RPS28: variants seen among roughly 807,000 people sequenced by gnomAD.
RPS28 encodes the protein small ribosomal subunit protein eS28.
A neutral mutation model predicts 9.4 loss-of-function variants in RPS28; 2 were observed. That is an observed-to-expected ratio of 0.21 (90% confidence interval 0.09 to 0.67). The LOEUF is 0.67. Among genes scored for constraint, RPS28 ranks in the 30% least tolerant of loss-of-function variants. The pLI, the probability that RPS28 is intolerant of heterozygous loss-of-function variation, is 0.82. For synonymous variants in RPS28, 41 were observed against 37.8 expected, an observed-to-expected ratio of 1.08 and a Z score of -0.31; for missense variants, 35 against 95.3, an observed-to-expected ratio of 0.37 and a Z score of 2.63.
In RPS28 at chr19:8,322,894, G is replaced by A. The variant is rs1183543737; in HGVS notation, c.*639G>A. On this transcript the variant is annotated 3_prime_UTR_variant, in exon 4 of 4. Coordinates refer to ENST00000600659, the MANE Select transcript of RPS28 (RefSeq NM_001031.5). Reference sequence around the variant, plus strand: ...ACCGCATTCTCCTTCACCAGGTGTGGCTGTCTGGGAGCCAGGGGGTGACTC... The same window carrying A: ...ACCGCATTCTCCTTCACCAGGTGTGACTGTCTGGGAGCCAGGGGGTGACTC... 6 of 1,561,208 alleles carry A rather than the reference G, an allele frequency of 3.8e-6. No individual in the cohort carries two copies. The highest frequency in any genetic ancestry group is 1.7e-4 in the Middle Eastern group (1 of 5,824).
At chr19:8,322,248 T>C in intron 3 of RPS28, 24 bp from the exon 4 acceptor site, 1 of 832,206 alleles carries the variant, frequency 1.2e-6, no homozygotes. Flanking sequence ...CCTGTCAACA[T>C]CTCATGTTTG....
chr19:8,322,989 C>G lies in RPS28; in HGVS notation c.*734C>G, dbSNP rs115603544. On this transcript the variant is annotated 3_prime_UTR_variant, in exon 4 of 4. Coordinates refer to ENST00000600659, the MANE Select transcript of RPS28 (RefSeq NM_001031.5). ...TGAGGCAGGAAACGTGGGATTCAGC[C>G]CCAGCCTCACTTAGTGGAGGTTCTT... The G allele has an allele frequency of 8.2e-4, 745 of 908,028 alleles. 3 individuals are homozygous for G. The African/African-American group carries it at 0.01, about 12-fold the overall frequency. 56.2% of individuals were successfully genotyped at this position (908,028 alleles called of 1,614,324 possible).
In RPS28 at chr19:8,323,258, C is replaced by T. The variant is rs1265754365; in HGVS notation, c.*1003C>T. On this transcript the variant is annotated 3_prime_UTR_variant, in exon 4 of 4. Transcript: ENST00000600659. ...TGGTCCATCTTAAGCTTGTTCAGAA[C>T]GCCTTAGCCTGTAGTTGGGGAAACT... is the stretch of plus-strand genomic sequence containing the variant. 5 of 188,030 alleles carry T rather than the reference C, an allele frequency of 2.7e-5. No homozygotes were observed. Among genetic ancestry groups the T allele is most frequent in the African/African-American group, 1.2e-4 (5 of 42,790 alleles). The allele number at this position is 188,030 out of a possible 1,614,324, so 11.6% of individuals were successfully genotyped here. A position where few individuals can be genotyped will look rare whatever the true frequency, so the allele number is the denominator to read the frequency against.
chr19:8,322,914 T>TG lies in RPS28; in HGVS notation c.*660dup, dbSNP rs763566145. 6.5e-6 allele frequency: 10 copies of TG among 1,533,872 alleles called. No individual in the cohort carries two copies. Among genetic ancestry groups the TG allele is most frequent in the Non-Finnish European group, 2.6e-6 (3 of 1,140,072 alleles). On this transcript the variant is annotated 3_prime_UTR_variant, in exon 4 of 4. Coordinates refer to ENST00000600659, the MANE Select transcript of RPS28 (RefSeq NM_001031.5). ...GTGTGGCTGTCTGGGAGCCAGGGGG[T>TG]GACTCGCTCTGGAGAGAGGGGAAAA...
In RPS28 at chr19:8,321,767, G is replaced by T. The variant is rs1386066093; in HGVS notation, c.87+64G>T. Reference sequence around the variant, plus strand: ...TAAACCCTGATGTGACCTCTACCCTGCCCTAACCCCTGCCAGCCGGAATCC... The same window carrying T: ...TAAACCCTGATGTGACCTCTACCCTTCCCTAACCCCTGCCAGCCGGAATCC... On this transcript the variant is annotated intron_variant, in intron 2 of 3. Coordinates refer to ENST00000600659, the MANE Select transcript of RPS28 (RefSeq NM_001031.5). The T allele has an allele frequency of 9.2e-6, 14 of 1,527,186 alleles. No individual in the cohort carries two copies. In the Admixed American group the frequency reaches 2.0e-4, roughly 21 times the overall value. The allele number at this position is 1,527,186 out of a possible 1,614,324, so 94.6% of individuals were successfully genotyped here.
At position 8,322,185 on chromosome 19, in the gene RPS28, CTACA is replaced by C; in HGVS notation, c.*17-82_*17-79del. On this transcript the variant is annotated intron_variant, in intron 3 of 3. Coordinates refer to ENST00000600659, the MANE Select transcript of RPS28 (RefSeq NM_001031.5). ...GGTGAGAGGGTTTGGGAGGCAGAGT[CTACA>C]TACAGAGACTGACAAGAGGGAGGCG... The C allele has an allele frequency of 2.2e-6, 3 of 1,367,238 alleles. No homozygotes were observed. The South Asian group carries it at 3.7e-5, about 17-fold the overall frequency. 84.7% of individuals were successfully genotyped at this position (1,367,238 alleles called of 1,614,324 possible). A position where few individuals can be genotyped will look rare whatever the true frequency, so the allele number is the denominator to read the frequency against.
At position 8,322,749 on chromosome 19, in the gene RPS28, G is replaced by A. The variant is rs2145406387; in HGVS notation, c.*494G>A. On this transcript the variant is annotated 3_prime_UTR_variant, in exon 4 of 4. Transcript: ENST00000600659. ...TCGGCCAGTGTTAGCCTCTGAGCAGGGGACCCTGGACCCTTCTGTGCGCCA... is the reference window on the plus strand; with the variant it reads ...TCGGCCAGTGTTAGCCTCTGAGCAGAGGACCCTGGACCCTTCTGTGCGCCA... 1 of 952,718 alleles carries A rather than the reference G, an allele frequency of 1.0e-6. No homozygotes were observed. The highest frequency in any genetic ancestry group is 1.6e-6 in the Non-Finnish European group (1 of 620,678). 59.0% of individuals were successfully genotyped at this position (952,718 alleles called of 1,614,324 possible). A position where few individuals can be genotyped will look rare whatever the true frequency, so the allele number is the denominator to read the frequency against.
At position 8,322,980 on chromosome 19, in the gene RPS28, G is replaced by A; in HGVS notation, c.*725G>A. Reference sequence around the variant, plus strand: ...CAATCTCCTTGAGGCAGGAAACGTGGGATTCAGCCCCAGCCTCACTTAGTG... The same window carrying A: ...CAATCTCCTTGAGGCAGGAAACGTGAGATTCAGCCCCAGCCTCACTTAGTG... On this transcript the variant is annotated 3_prime_UTR_variant, in exon 4 of 4. Transcript: ENST00000600659. 2 of 1,006,542 alleles carry A rather than the reference G, an allele frequency of 2.0e-6. No individual in the cohort carries two copies. The allele number at this position is 1,006,542 out of a possible 1,614,324, so 62.4% of individuals were successfully genotyped here.
chr19:8,321,850 T>A, intron 2 of RPS28, 103 bp from the exon 3 acceptor site: 1 of 1,536,884 alleles, frequency 6.5e-7, no homozygotes, highest in Non-Finnish European at 8.8e-7. Context: ...CGATCTGTAT[T>A]CTGGCCCCGA....
At chr19:8,321,793 G>C in intron 2 of RPS28, 90 bp downstream of exon 2, 2 of 1,511,984 alleles carry the variant, frequency 1.3e-6, no homozygotes, top group Non-Finnish European at 1.8e-6. Flanking sequence ...GCCGGAATCC[G>C]GGAGCCGATT....
chr19:8,321,596 C>T, intron 1 of RPS28, 27 bp downstream of exon 1: 2 of 1,568,028 alleles, frequency 1.3e-6, no homozygotes, highest in Non-Finnish European at 1.7e-6. Flanking sequence ...AATTTGGGGG[C>T]AGGGGGAGGG....
chr19:8,322,924 T>C lies in RPS28; in HGVS notation c.*669T>C. On this transcript the variant is annotated 3_prime_UTR_variant, in exon 4 of 4. Transcript: ENST00000600659. ...CTGGGAGCCAGGGGGTGACTCGCTC[T>C]GGAGAGAGGGGAAAAGAGGGGGGCC... is the stretch of plus-strand genomic sequence containing the variant. The C allele has an allele frequency of 6.7e-7, 1 of 1,498,120 alleles. No individual in the cohort carries two copies. The highest frequency in any genetic ancestry group is 8.9e-7 in the Non-Finnish European group (1 of 1,120,098). 92.8% of individuals were successfully genotyped at this position (1,498,120 alleles called of 1,614,324 possible).
rs570005656 is a variant in RPS28, at chr19:8,322,216, G to A, written c.*17-56G>A. On this transcript the variant is annotated intron_variant, in intron 3 of 3. Transcript: ENST00000600659. ...ACAGAGACTGACAAGAGGGAGGCGG[G>A]AGTTTGCCAATTGCTGCGGGGCCTG... is the stretch of plus-strand genomic sequence containing the variant. 100 of 1,105,968 alleles carry A rather than the reference G, an allele frequency of 9.0e-5. No homozygotes were observed. The African/African-American group carries it at 1.5e-3, about 16-fold the overall frequency. The allele number at this position is 1,105,968 out of a possible 1,614,324, so 68.5% of individuals were successfully genotyped here.
Position 8,321,676 on chromosome 19 carries a change from G to T in RPS28, c.60G>T (p.Arg20Ser). 1 of 1,565,040 alleles carries T rather than the reference G, an allele frequency of 6.4e-7. No homozygotes were observed. The highest frequency in any genetic ancestry group is 8.7e-7 in the Non-Finnish European group (1 of 1,155,134). The change falls in exon 2 of 4, where the codon AGG becomes AGT. Residue 20 changes from arginine to serine, a missense_variant. Physicochemically the swap from Arg to Ser is moderately radical, Grantham distance 110. This residue lies in a region of RPS28 where 25 missense variants were observed against 32.5 expected (regional missense o/e 0.77). Transcript: ENST00000600659. Reference sequence around the variant, plus strand: ...TCCAGGTCACCAAGGTCCTGGGCAGGACCGGTTCTCAGGGACAGTGCACGC... The same window carrying T: ...TCCAGGTCACCAAGGTCCTGGGCAGTACCGGTTCTCAGGGACAGTGCACGC... ...KLARVTKVLG[R>S]TGSQGQCTQV...
At position 8,321,963 on chromosome 19, in the gene RPS28, A is replaced by C. The variant is rs775758685; in HGVS notation, c.98A>C (p.Glu33Ala). 6.2e-7 allele frequency: 1 copy of C among 1,610,856 alleles called. No individual in the cohort carries two copies. The change falls in exon 3 of 4, where the codon GAA (glutamate) becomes GCA (alanine). Residue 33 changes from glutamate to alanine, a missense_variant. Physicochemically the swap from Glu to Ala is moderately radical, Grantham distance 107. Coordinates refer to ENST00000600659, the MANE Select transcript of RPS28 (RefSeq NM_001031.5). ...GGTGGGGACCCGTAGGTGCGCGTGG[A>C]ATTCATGGACGACACGAGCCGATCC... is the stretch of plus-strand genomic sequence containing the variant. ...SQGQCTQVRV[E>A]FMDDTSRSII...
Position 8,323,168 on chromosome 19 carries a change from G to A in RPS28, c.*913G>A, listed in dbSNP as rs145210584. 5.3e-5 allele frequency: 18 copies of A among 340,176 alleles called. No individual in the cohort carries two copies. The highest frequency in any genetic ancestry group is 3.3e-4 in the South Asian group (3 of 9,068). The allele number at this position is 340,176 out of a possible 1,614,324, so 21.1% of individuals were successfully genotyped here. ...TTACATTCCGGTGAGTACATCATAG[G>A]TTGAAAGTATTGCAAGTTGAAATGT... On this transcript the variant is annotated 3_prime_UTR_variant, in exon 4 of 4. Coordinates refer to ENST00000600659, the MANE Select transcript of RPS28 (RefSeq NM_001031.5).
At position 8,322,760 on chromosome 19, in the gene RPS28, C is replaced by G; in HGVS notation, c.*505C>G. The G allele has an allele frequency of 9.1e-7, 1 of 1,100,084 alleles. No homozygotes were observed. The highest frequency in any genetic ancestry group is 1.4e-6 in the Non-Finnish European group (1 of 738,156). The allele number at this position is 1,100,084 out of a possible 1,614,324, so 68.1% of individuals were successfully genotyped here. ...TAGCCTCTGAGCAGGGGACCCTGGA[C>G]CCTTCTGTGCGCCAAAGGCTGAGGT... On this transcript the variant is annotated 3_prime_UTR_variant, in exon 4 of 4. Coordinates refer to ENST00000600659, the MANE Select transcript of RPS28 (RefSeq NM_001031.5).
In RPS28 at chr19:8,322,012, C is replaced by G. The variant is rs779731137; in HGVS notation, c.147C>G (p.Pro49=). The change falls in exon 3 of 4, where the codon CCC becomes CCG. Residue 49 remains proline, a synonymous_variant. Transcript: ENST00000600659. ...CCATCATCCGCAATGTAAAAGGCCC[C>G]GTGCGCGAGGGCGACGTGCTCACCC... is the stretch of plus-strand genomic sequence containing the variant. ...SRSIIRNVKG[P]VREGDVLTLL... The G allele has an allele frequency of 1.7e-5, 27 of 1,612,844 alleles. No individual in the cohort carries two copies. The highest frequency in any genetic ancestry group is 2.2e-5 in the Non-Finnish European group (26 of 1,179,604).
chr19:8,321,526 C>G lies in RPS28; in HGVS notation c.-5C>G, dbSNP rs1970314301. ...TCTCCGCCAGACCGCCGCCGCGCCGCCATCATGGACACCAGCCGTGTGCAG... is the reference window on the plus strand; with the variant it reads ...TCTCCGCCAGACCGCCGCCGCGCCGGCATCATGGACACCAGCCGTGTGCAG... On this transcript the variant is annotated 5_prime_UTR_variant, in exon 1 of 4. Transcript: ENST00000600659. The G allele has an allele frequency of 6.3e-7, 1 of 1,585,274 alleles. No individual in the cohort carries two copies. Among genetic ancestry groups the G allele is most frequent in the Non-Finnish European group, 8.6e-7 (1 of 1,167,440 alleles).
Sources: gnomAD v4.1 joint callset for allele counts on GRCh38, gnomAD v4.1.1 for gene constraint, gnomAD v4.1.1 regional missense constraint, MANE v1.5 for transcripts, NCBI Gene and HGNC (gene_info 2026-07-23, HGNC 2026-07-21) for gene names.